The following UBP1 variants were observed in gnomAD, a reference collection of about 807,000 sequenced individuals.
UBP1 encodes the protein upstream-binding protein 1.
In UBP1, 22 loss-of-function variants were observed where a neutral mutation model predicts 76.1. The observed-to-expected ratio is 0.29, with a 90% CI of 0.21 to 0.41. The LOEUF is 0.41. UBP1 is among the 10% of genes least tolerant of loss of function. The pLI is 1.00. For synonymous variants in UBP1, 224 were observed against 237.1 expected, an observed-to-expected ratio of 0.94 and a Z score of 0.51; for missense variants, 436 against 668.1, an observed-to-expected ratio of 0.65 and a Z score of 3.83.
chr3:33,427,212 G>A (rs1025062571), intron 1 of UBP1, among the ~76,000 whole-genome samples: 6 of 152,298 alleles, frequency 3.9e-5, no homozygotes, highest in East Asian at 1.9e-4. Context: ...TGATCCGCCC[G>A]CCTCAGCCTC....
intron 14 of UBP1, 123 bp downstream of exon 14, chr3:33,393,189 C>G: frequency 1.9e-6 from 2 of 1,061,582 alleles, no homozygotes; most frequent in Non-Finnish European, 2.6e-6. Flanking sequence ...TGATTCCCAA[C>G]TCTCTGAAAA....
At chr3:33,425,144 AC>A (rs1470414590) in intron 2 of UBP1, among the ~76,000 whole-genome samples, 1 of 152,144 alleles carries the variant, frequency 6.6e-6, no homozygotes, top group Non-Finnish European at 1.5e-5. Context: ...TAAACTACAA[AC>A]AAGATATAGG....
intron 2 of UBP1, among the ~76,000 whole-genome samples, chr3:33,417,097 C>G (rs1286539539): frequency 6.6e-6 from 1 of 152,196 alleles, no homozygotes; most frequent in Non-Finnish European, 1.5e-5. Flanking sequence ...ATTATGCTTG[C>G]ATTACCTAAG....
chr3:33,411,717 C>CA, intron 4 of UBP1, 30 bp from the exon 5 acceptor site: 1 of 1,564,618 alleles, frequency 6.4e-7, no homozygotes. Flanking sequence ...TACATAAAAA[C>CA]ATCCACTTTA....
chr3:33,431,290 T>C (rs1264180092), intron 1 of UBP1, among the ~76,000 whole-genome samples: 3 of 152,116 alleles, frequency 2.0e-5, no homozygotes, highest in Admixed American at 6.5e-5. Context: ...AAGAACGGAA[T>C]AGGGGCAAAA....
chr3:33,398,353 T>C (rs1431104826), intron 11 of UBP1: 7 of 152,350 alleles, frequency 4.6e-5, no homozygotes, highest in African/African-American at 7.2e-5. Context: ...TGAGCATTAA[T>C]AGAGTCATTT....
intron 8 of UBP1, among the ~76,000 whole-genome samples, chr3:33,406,135 G>A (rs1002451500): frequency 6.6e-6 from 1 of 152,152 alleles, no homozygotes; most frequent in Non-Finnish European, 1.5e-5. Flanking sequence ...TTTAAGCCAG[G>A]TGTGATGGCA....
rs2045236913 is a variant in UBP1 at position 33,438,545 on chromosome 3, T to C, written c.113+1191A>G. 3.3e-5 allele frequency among the ~76,000 whole-genome samples: 5 copies of C among 152,290 alleles called. No homozygotes were observed. The South Asian group carries it at 6.2e-4, about 19-fold the overall frequency. ...AAATAAGCCAACTCATCTACAGGCC[T>C]TAAGTTATACAACTGCAGAGAGAAG... On this transcript the variant is annotated intron_variant, in intron 1 of 15. Transcript: ENST00000283629.
chr3:33,441,363 C>T (rs1377352532), upstream of UBP1: 1 of 152,304 alleles, frequency 6.6e-6, no homozygotes, highest in Non-Finnish European at 1.5e-5. Context: ...CCGGGCTTCG[C>T]CCTGCATCGA....
Position 33,416,451 on chromosome 3 carries a change from T to A in UBP1, c.342+307A>T, listed in dbSNP as rs114553222. On this transcript the variant is annotated intron_variant, in intron 3 of 15. Transcript: ENST00000283629. ...GATTTTTTAAAGTTTTATGCCAACA[T>A]TGACATTCTTCCCCATATTATCTTT... 4.9e-3 allele frequency among the ~76,000 whole-genome samples: 749 copies of A among 152,330 alleles called. 5 individuals carry two copies. The highest frequency in any genetic ancestry group is 0.017 in the African/African-American group (718 of 41,568).
In UBP1 at chr3:33,389,530, G is replaced by A. The variant is rs2043674870; in HGVS notation, c.*801C>T. On this transcript the variant is annotated 3_prime_UTR_variant, in exon 16 of 16. Coordinates refer to ENST00000283629, the MANE Select transcript of UBP1 (RefSeq NM_014517.5). ...GAGGGAGAGAGGGAAGAAAATGAGAGAAAAACCACGAGTTTAAAAGGCAAG... is the reference window on the plus strand; with the variant it reads ...GAGGGAGAGAGGGAAGAAAATGAGAAAAAAACCACGAGTTTAAAAGGCAAG... 1 of 151,600 alleles carries A rather than the reference G, an allele frequency of 6.6e-6. No homozygotes were observed. The highest frequency in any genetic ancestry group is 2.1e-4 in the South Asian group (1 of 4,794). 9.4% of individuals were successfully genotyped at this position (151,600 alleles called of 1,614,324 possible).
chr3:33,415,575 T>C (rs1440364577), intron 3 of UBP1, among the ~76,000 whole-genome samples: 1 of 152,182 alleles, frequency 6.6e-6, no homozygotes, highest in Non-Finnish European at 1.5e-5. Flanking sequence ...CATTGTACCA[T>C]TCTCTTTACT....
chr3:33,411,696 T>C lies in UBP1; in HGVS notation c.449-9A>G. The C allele has an allele frequency of 6.2e-7, 1 of 1,606,158 alleles. No individual in the cohort carries two copies. The highest frequency in any genetic ancestry group is 8.5e-7 in the Non-Finnish European group (1 of 1,173,138). On this transcript the variant is annotated splice_polypyrimidine_tract_variant and intron_variant, in intron 4 of 15. Transcript: ENST00000283629. ...CACAGACATTGGAATATCTATGTTT[T>C]AAAAAGAAGTTACATAAAAACATCC...
At chr3:33,418,596 C>T (rs1324992587) in intron 2 of UBP1, among the ~76,000 whole-genome samples, 15 of 151,686 alleles carry the variant, frequency 9.9e-5, no homozygotes, top group South Asian at 2.1e-4. Flanking sequence ...CAGTGGCTCA[C>T]GCTTGTAATC....
At chr3:33,411,547 G>A (rs1229411393) in intron 5 of UBP1, 34 bp downstream of exon 5, 1 of 1,570,522 alleles carries the variant, frequency 6.4e-7, no homozygotes, top group South Asian at 1.1e-5. Flanking sequence ...AAATAACTAG[G>A]TTAGTAAGCT....
At chr3:33,407,878 A>G (rs942950847) in intron 8 of UBP1, among the ~76,000 whole-genome samples, 8 of 152,224 alleles carry the variant, frequency 5.3e-5, no homozygotes, top group Admixed American at 6.5e-5. Context: ...TATTTACTGA[A>G]GGTATGTAGC....
chr3:33,418,065 A>G (rs2044775622), intron 2 of UBP1, among the ~76,000 whole-genome samples: 1 of 152,226 alleles, frequency 6.6e-6, no homozygotes, highest in South Asian at 2.1e-4. Context: ...TTGGAAGAAG[A>G]TATATGCACT....
intron 13 of UBP1, among the ~76,000 whole-genome samples, chr3:33,395,447 T>C (rs2043937617): frequency 6.6e-6 from 1 of 152,094 alleles, no homozygotes; most frequent in African/African-American, 2.4e-5. Flanking sequence ...TTTAAAATGC[T>C]TGCTTTTTTT....
intron 2 of UBP1, among the ~76,000 whole-genome samples, chr3:33,421,360 C>T (rs58090157): frequency 0.066 from 10,074 of 152,216 alleles, 1,111 homozygotes; most frequent in African/African-American, 0.22. Context: ...GCAACCTCCA[C>T]CTCCCAGGTT....
Sources: allele counts gnomAD v4.1 joint callset (sites outside exome capture counted in the v4.1 genomes callset), GRCh38; gene constraint gnomAD v4.1.1; transcripts MANE v1.5; gene names NCBI Gene and HGNC (gene_info 2026-07-23, HGNC 2026-07-21).